Variants in MDM2 observed in about 807,000 individuals in gnomAD.
The protein encoded by MDM2 is MDM2 proto-oncogene, also known as E3 ubiquitin-protein ligase Mdm2.
Under a neutral mutation model 64.3 loss-of-function variants are expected in MDM2, and 11 were observed. That is an observed-to-expected ratio of 0.17 (90% confidence interval 0.11 to 0.28). MDM2 has a LOEUF of 0.28. Among genes scored for constraint, MDM2 ranks in the 10% least tolerant of loss-of-function variants. MDM2 has a pLI of 1.00. For synonymous variants in MDM2, 194 were observed against 192.9 expected, an observed-to-expected ratio of 1.01 and a Z score of -0.05; for missense variants, 388 against 577.1, an observed-to-expected ratio of 0.67 and a Z score of 3.36.
At chr12:68,833,889 G>T (rs973086719) in intron 8 of MDM2, among the ~76,000 whole-genome samples, 48 of 152,154 alleles carry the variant, frequency 3.2e-4, no homozygotes, top group African/African-American at 9.9e-4. Context: ...GGTTTGTTGG[G>T]TTACTTTGTT....
At position 68,845,464 on chromosome 12, in the gene MDM2, A is replaced by G. The variant is rs1884216381; in HGVS notation, c.*5615A>G. The G allele has an allele frequency of 4.8e-6, 1 of 207,276 alleles. No homozygotes were observed. Among genetic ancestry groups the G allele is most frequent in the East Asian group, 7.4e-5 (1 of 13,566 alleles). 12.8% of individuals were successfully genotyped at this position (207,276 alleles called of 1,614,324 possible). On this transcript the variant is annotated 3_prime_UTR_variant, in exon 11 of 11. Coordinates refer to ENST00000258149, the MANE Select transcript of MDM2 (RefSeq NM_002392.6). ...AGGCGTGTTCAGTAACTTATTCATA[A>G]TGCATCTGAAATGATTGCTGTACTC...
intron 5 of MDM2, among the ~76,000 whole-genome samples, chr12:68,823,978 T>C (rs1882088216): frequency 6.6e-6 from 1 of 152,188 alleles, no homozygotes; most frequent in African/African-American, 2.4e-5. Context: ...TGCTTTTGGA[T>C]ACTTTTTCAC....
chr12:68,821,892 CTG>C (rs758025672), intron 5 of MDM2, among the ~76,000 whole-genome samples: 52 of 152,256 alleles, frequency 3.4e-4, no homozygotes, highest in Non-Finnish European at 6.8e-4. Context: ...GGCTCTCACT[CTG>C]TCACCCTGCT....
intron 3 of MDM2, among the ~76,000 whole-genome samples, chr12:68,814,307 G>T (rs2136115618): frequency 6.6e-6 from 1 of 152,240 alleles, no homozygotes; most frequent in South Asian, 2.1e-4. Context: ...ACTTGCCTTG[G>T]CCTCCCAAAA....
chr12:68,833,762 G>A (rs1026248425), intron 8 of MDM2, among the ~76,000 whole-genome samples: 4 of 152,048 alleles, frequency 2.6e-5, no homozygotes, highest in Non-Finnish European at 4.4e-5. Context: ...ATGGGTGATG[G>A]GCCACAGTTT....
chr12:68,834,909 A>AC (rs1375476080), intron 8 of MDM2, among the ~76,000 whole-genome samples: 2 of 152,214 alleles, frequency 1.3e-5, no homozygotes, highest in Admixed American at 1.3e-4. Context: ...TGAAGGTCTT[A>AC]CTAGGTTCTT....
intron 5 of MDM2, among the ~76,000 whole-genome samples, chr12:68,823,988 C>T (rs1196353903): frequency 1.3e-5 from 2 of 152,284 alleles, no homozygotes; most frequent in Admixed American, 6.5e-5. Context: ...TACTTTTTCA[C>T]ATGGCGTTTT....
In MDM2 at chr12:68,842,641, T is replaced by C. The variant is rs78524202; in HGVS notation, c.*2792T>C. Reference sequence around the variant, plus strand: ...TAAAATAGTTACGCTATTTGGTTAATGGTACTAGACAACATGTAATTAATG... The same window carrying C: ...TAAAATAGTTACGCTATTTGGTTAACGGTACTAGACAACATGTAATTAATG... On this transcript the variant is annotated 3_prime_UTR_variant, in exon 11 of 11. Transcript: ENST00000258149. 1.8e-3 allele frequency: 502 copies of C among 286,342 alleles called. 2 individuals are homozygous for C. Among genetic ancestry groups the C allele is most frequent in the African/African-American group, 0.01 (470 of 46,638 alleles). The allele number at this position is 286,342 out of a possible 1,614,324, so 17.7% of individuals were successfully genotyped here.
chr12:68,826,883 C>T (rs976696509), intron 7 of MDM2, among the ~76,000 whole-genome samples: 4 of 151,660 alleles, frequency 2.6e-5, no homozygotes, highest in African/African-American at 7.3e-5. Flanking sequence ...CTCGATAAAA[C>T]GTAAAAATCC....
chr12:68,814,133 A>G (rs576507909), intron 3 of MDM2, among the ~76,000 whole-genome samples: 53 of 152,272 alleles, frequency 3.5e-4, no homozygotes, highest in African/African-American at 1.2e-3. Context: ...GCTCACTGCA[A>G]CCTCCGCCTC....
intron 8 of MDM2, among the ~76,000 whole-genome samples, chr12:68,833,297 TTA>T (rs1221381889): frequency 8.5e-6 from 1 of 118,238 alleles, no homozygotes; most frequent in Admixed American, 8.9e-5. Context: ...ATATATATAT[TTA>T]TATAAATATA....
chr12:68,836,954 AC>A (rs1310632839), intron 10 of MDM2, among the ~76,000 whole-genome samples: 9 of 129,556 alleles, frequency 6.9e-5, no homozygotes, highest in African/African-American at 2.7e-4. Context: ...TGGAATTTGA[AC>A]TTTTTTTTTT....
intron 7 of MDM2, 38 bp downstream of exon 7, chr12:68,824,689 T>G (rs962051459): frequency 1.5e-6 from 2 of 1,292,932 alleles, no homozygotes; most frequent in Middle Eastern, 2.6e-4. Context: ...TCACACAGCT[T>G]TTTGATATTC....
intron 2 of MDM2, among the ~76,000 whole-genome samples, chr12:68,811,941 T>C (rs1880936586): frequency 6.6e-6 from 1 of 152,028 alleles, no homozygotes; most frequent in African/African-American, 2.4e-5. Flanking sequence ...AGACGGAGTT[T>C]CACTGTGTTG....
chr12:68,830,568 C>G (rs962640795), intron 8 of MDM2, among the ~76,000 whole-genome samples: 9 of 151,932 alleles, frequency 5.9e-5, no homozygotes, highest in Non-Finnish European at 1.3e-4. Flanking sequence ...TCATTAATGA[C>G]AAAAATGAAA....
chr12:68,833,417 T>C (rs1175965677), intron 8 of MDM2, among the ~76,000 whole-genome samples: 1 of 139,790 alleles, frequency 7.2e-6, no homozygotes, highest in East Asian at 2.0e-4. Flanking sequence ...AATATATATT[T>C]TAAATATTTA....
intron 8 of MDM2, among the ~76,000 whole-genome samples, chr12:68,829,897 T>A (rs1882657048): frequency 6.6e-6 from 1 of 152,230 alleles, no homozygotes; most frequent in African/African-American, 2.4e-5. Context: ...CTGAAAGAAG[T>A]TTGGTAAAAA....
chr12:68,826,183 G>T (rs1397968598), intron 7 of MDM2, among the ~76,000 whole-genome samples: 1 of 151,990 alleles, frequency 6.6e-6, no homozygotes, highest in Non-Finnish European at 1.5e-5. Context: ...TAGCTTTACA[G>T]ATAGTAAAAA....
intron 5 of MDM2, among the ~76,000 whole-genome samples, chr12:68,822,358 T>TTAAA: frequency 8.7e-6 from 1 of 114,490 alleles, no homozygotes; most frequent in Non-Finnish European, 1.8e-5. Flanking sequence ...TGGCATTTTA[T>TTAAA]TGTTTTAAAG....
Sources: allele counts gnomAD v4.1 joint callset (sites outside exome capture counted in the v4.1 genomes callset), GRCh38; gene constraint gnomAD v4.1.1; transcripts MANE v1.5; gene names NCBI Gene and HGNC (gene_info 2026-07-23, HGNC 2026-07-21).